Variants in SYNE2 observed in about 807,000 individuals in gnomAD.
The protein encoded by SYNE2 is spectrin repeat containing nuclear envelope protein 2.
A neutral mutation model predicts 856.3 loss-of-function variants in SYNE2; 431 were observed. That is an observed-to-expected ratio of 0.50 (90% confidence interval 0.47 to 0.55). The LOEUF (loss-of-function observed/expected upper bound fraction) is 0.55. Among genes scored for constraint, SYNE2 ranks in the 20% least tolerant of loss-of-function variants. SYNE2 has a pLI of 0.00. For missense variants in SYNE2, 8,129 were observed against 8,023.2 expected (o/e 1.01, Z -0.50); for synonymous variants, 2,923 against 2,872.3 (o/e 1.02, Z -0.56).
rs750150695 is a variant in SYNE2 at position 63,942,132 on chromosome 14, C to T, written c.397C>T (p.Leu133=). The change falls in exon 6 of 116, where the codon CTG becomes TTG. Residue 133 remains leucine (L), a synonymous_variant. Coordinates refer to ENST00000555002, the MANE Select transcript of SYNE2 (RefSeq NM_182914.3). ...CCTTGGCCTAATTTGGACAATTATC[C>T]TGCACTTTCATGTAAGTAGTTTGAT... ...IILGLIWTII[L]HFHIEKLAQT... The T allele has an allele frequency of 1.3e-5, 21 of 1,590,064 alleles. No individual in the cohort carries two copies. In the East Asian group the frequency reaches 3.4e-4, roughly 25 times the overall value.
In SYNE2 at chr14:64,113,701, G is replaced by C. The variant is rs541695116; in HGVS notation, c.12840+130G>C. 1.0e-3 allele frequency: 1,040 copies of C among 1,008,532 alleles called. 1 individual carries two copies. Among genetic ancestry groups the C allele is most frequent in the Non-Finnish European group, 1.4e-3 (936 of 667,506 alleles). The allele number at this position is 1,008,532 out of a possible 1,614,324, so 62.5% of individuals were successfully genotyped here. On this transcript the variant is annotated intron_variant, in intron 66 of 115. Coordinates refer to ENST00000555002, the MANE Select transcript of SYNE2 (RefSeq NM_182914.3). ...GACCCTTACATTTATCTTGGCCTCA[G>C]CTTTTAGTTCTCAGGGTAATTCTTT...
intron 45 of SYNE2, among the ~76,000 whole-genome samples, chr14:64,031,963 G>A (rs568607874): frequency 8.0e-4 from 122 of 152,256 alleles, no homozygotes; most frequent in African/African-American, 2.8e-3. Context: ...AATGGGAATC[G>A]CACAAAGAGA....
chr14:64,152,517 G>A, intron 84 of SYNE2, 47 bp from the exon 85 acceptor site: 1 of 1,601,470 alleles, frequency 6.2e-7, no homozygotes, highest in Non-Finnish European at 8.6e-7. Flanking sequence ...CTTATTAATT[G>A]TTTTGTAATA....
chr14:64,042,956 A>T (rs572954819), intron 45 of SYNE2, among the ~76,000 whole-genome samples: 71 of 152,320 alleles, frequency 4.7e-4, no homozygotes, highest in Middle Eastern at 3.4e-3. Context: ...AAATGTGGGA[A>T]AGTTTGGAAC....
At chr14:64,192,003 G>A (rs1567602711) in intron 99 of SYNE2, among the ~76,000 whole-genome samples, 1 of 152,198 alleles carries the variant, frequency 6.6e-6, no homozygotes, top group Non-Finnish European at 1.5e-5. Context: ...TTGGTATGGG[G>A]CCAGCACATA....
intron 1 of SYNE2, 94 bp from the exon 2 acceptor site, chr14:63,909,004 A>C (rs2095441028): frequency 1.4e-6 from 1 of 714,056 alleles, no homozygotes; most frequent in South Asian, 1.5e-5. Context: ...GTTTTGGAGG[A>C]CAGTTTTTGG....
intron 1 of SYNE2, among the ~76,000 whole-genome samples, chr14:63,886,930 G>A (rs921690191): frequency 6.6e-6 from 1 of 152,114 alleles, no homozygotes; most frequent in African/African-American, 2.4e-5. Context: ...AAAGTGTTGG[G>A]ATTATAGATG....
intron 2 of SYNE2, among the ~76,000 whole-genome samples, chr14:63,913,245 C>A (rs1045807600): frequency 6.6e-6 from 1 of 151,354 alleles, no homozygotes; most frequent in Non-Finnish European, 1.5e-5. Flanking sequence ...CTGAGAGTAC[C>A]CTTTATGGGT....
rs1399352301 is a variant in SYNE2, at chr14:64,203,421, T to C, written c.18201+458T>C. ...AAGGAACATGCTTGGACCAATAGTT[T>C]AGGAAGCCTCTTAAGAGCTGCAATG... is the stretch of plus-strand genomic sequence containing the variant. On this transcript the variant is annotated intron_variant, in intron 100 of 115. Transcript: ENST00000555002. 2.0e-5 allele frequency among the ~76,000 whole-genome samples: 3 copies of C among 152,218 alleles called. No homozygotes were observed. In the East Asian group the frequency reaches 5.8e-4, roughly 29 times the overall value.
chr14:64,079,730 A>G (rs911620984), intron 55 of SYNE2, among the ~76,000 whole-genome samples: 3 of 152,104 alleles, frequency 2.0e-5, no homozygotes, highest in African/African-American at 7.2e-5. Flanking sequence ...AATTTTTGAG[A>G]TAGGGTCTCA....
At chr14:63,879,960 A>C (rs1243140329) in intron 1 of SYNE2, among the ~76,000 whole-genome samples, 8 of 152,252 alleles carry the variant, frequency 5.3e-5, no homozygotes, top group Non-Finnish European at 1.0e-4. Context: ...CACATTCTTA[A>C]GAAAACATTT....
At chr14:64,048,212 A>G in intron 46 of SYNE2, 57 bp downstream of exon 46, 5 of 1,558,250 alleles carry the variant, frequency 3.2e-6, no homozygotes, top group Non-Finnish European at 4.4e-6. Context: ...AGTGCAATAC[A>G]ATATATTTTA....
At chr14:63,998,389 G>A (rs1424074025) in intron 26 of SYNE2, 61 bp downstream of exon 26, 1 of 1,141,834 alleles carries the variant, frequency 8.8e-7, no homozygotes. Flanking sequence ...ATGCAAACAT[G>A]TTAGACTTTT....
rs768044506 is a variant in SYNE2 at position 64,212,947 on chromosome 14, G to A, written c.18998G>A (p.Cys6333Tyr). 10 of 1,614,064 alleles carry A rather than the reference G, an allele frequency of 6.2e-6. No individual in the cohort carries two copies. Among genetic ancestry groups the A allele is most frequent in the Non-Finnish European group, 8.5e-6 (10 of 1,180,052 alleles). Reference protein sequence around the residue: ...EDELEELHRYCQEVFGRVSRF... With the variant: ...EDELEELHRYYQEVFGRVSRF... ...GAGCTGGAGGAACTCCACCGCTACT[G>A]CCAGGAGGTGTTTGGAAGGGTCTCC... is the stretch of plus-strand genomic sequence containing the variant. The change falls in exon 105 of 116, where the codon TGC (cysteine) becomes TAC (tyrosine). Residue 6333 changes from cysteine to tyrosine, a missense_variant. Physicochemically the swap from Cys to Tyr is radical, Grantham distance 194. Transcript: ENST00000555002.
chr14:64,088,729 C>T (rs965078693), intron 58 of SYNE2, among the ~76,000 whole-genome samples: 1 of 152,176 alleles, frequency 6.6e-6, no homozygotes, highest in Non-Finnish European at 1.5e-5. Flanking sequence ...CTTGAAACAT[C>T]AGAAGCATTT....
chr14:64,048,364 GTCT>G (rs2097200799), intron 46 of SYNE2: 2 of 393,530 alleles, frequency 5.1e-6, no homozygotes, highest in South Asian at 4.9e-5. Context: ...AGGGACATTA[GTCT>G]TCTTTCTATT....
rs144252300 is a variant in SYNE2 at position 64,224,520 on chromosome 14, A to G, written c.20442A>G (p.Ala6814=). The part of the protein sequence containing the change: ...DEVDSGDQPP[A]TSVPAPRAKF... ...TAGACTCGGGGGACCAGCCTCCTGC[A>G]ACATCCGTGCCAGCTCCCCGAGCAA... The change falls in exon 114 of 116, where the codon GCA becomes GCG. Residue 6814 remains alanine, a synonymous_variant. Coordinates refer to ENST00000555002, the MANE Select transcript of SYNE2 (RefSeq NM_182914.3). 4.8e-5 allele frequency: 78 copies of G among 1,614,002 alleles called. No individual in the cohort carries two copies. The highest frequency in any genetic ancestry group is 6.4e-5 in the Non-Finnish European group (75 of 1,180,030).
intron 6 of SYNE2, among the ~76,000 whole-genome samples, chr14:63,947,479 T>C (rs1183362268): frequency 6.6e-6 from 1 of 152,232 alleles, no homozygotes; most frequent in Non-Finnish European, 1.5e-5. Flanking sequence ...TTGTATGTTA[T>C]GTTGAAACAA....
At chr14:63,976,448 T>A in intron 11 of SYNE2, 115 bp from the exon 12 acceptor site, 3 of 1,084,450 alleles carry the variant, frequency 2.8e-6, no homozygotes, top group Non-Finnish European at 4.1e-6. Context: ...ATTGATCACA[T>A]TTATCAGACT....
Sources: gnomAD v4.1 joint callset for allele counts (sites outside exome capture counted in the v4.1 genomes callset) on GRCh38, gnomAD v4.1.1 for gene constraint, MANE v1.5 for transcripts, NCBI Gene and HGNC (gene_info 2026-07-23, HGNC 2026-07-21) for gene names.